Variants in WLS observed in about 807,000 individuals in gnomAD.
WLS encodes Wnt ligand secretion mediator.
WLS carries 23 observed loss-of-function variants against 62.8 expected under a neutral mutation model. That is an observed-to-expected ratio of 0.37 (90% CI 0.26 to 0.52). WLS has a LOEUF of 0.52. Among genes scored for constraint, WLS ranks in the 20% least tolerant of loss-of-function variants. WLS has a pLI of 0.92. For synonymous variants in WLS, 246 were observed against 244.1 expected (o/e 1.01, Z -0.07); for missense variants, 615 against 697.3 (o/e 0.88, Z 1.33).
intron 2 of WLS, among the ~76,000 whole-genome samples, chr1:68,193,145 T>C (rs1317872879): frequency 6.6e-6 from 1 of 150,620 alleles, no homozygotes; most frequent in East Asian, 1.9e-4. Context: ...GAAAAAGAAA[T>C]AATGTTTCAA....
intron 4 of WLS, 127 bp downstream of exon 4, chr1:68,154,969 TATG>T (rs1646875960): frequency 2.0e-6 from 2 of 1,024,364 alleles, no homozygotes; most frequent in African/African-American, 3.2e-5. Flanking sequence ...TAGTTCACTT[TATG>T]ATCTCAGCCA....
intron 1 of WLS, among the ~76,000 whole-genome samples, chr1:68,221,695 T>A (rs1482173473): frequency 6.6e-6 from 1 of 152,178 alleles, no homozygotes; most frequent in African/African-American, 2.4e-5. Context: ...TTTTTAGTGA[T>A]CACCTGAAGG....
chr1:68,178,693 G>A (rs1321677397), intron 2 of WLS, among the ~76,000 whole-genome samples: 44 of 136,522 alleles, frequency 3.2e-4, no homozygotes, highest in African/African-American at 1.2e-3. Flanking sequence ...GCAACAGATC[G>A]AGACTACATT....
chr1:68,117,200 T>G (rs999374857), intron 11 of WLS, among the ~76,000 whole-genome samples: 6 of 152,240 alleles, frequency 3.9e-5, no homozygotes, highest in African/African-American at 1.4e-4. Flanking sequence ...AAACTTTATC[T>G]GTACAATTGC....
Position 68,153,633 on chromosome 1 carries a change from G to T in WLS, c.687C>A (p.Gly229=), listed in dbSNP as rs554939588. ...IRLVGIHQNG[G]FTKVWFAMKT... ...TCATGGCAAACCACACCTTGGTGAA[G>T]CCTCCATTTTGGTGGATCCCCTAGG... Residue 229 remains glycine, a synonymous_variant, in exon 5 of 12, where the codon GGC becomes GGA. Transcript: ENST00000262348. The T allele has an allele frequency of 3.7e-6, 6 of 1,614,188 alleles. No individual in the cohort carries two copies. The Admixed American group carries it at 1.0e-4, about 27-fold the overall frequency.
intron 2 of WLS, among the ~76,000 whole-genome samples, chr1:68,193,442 A>C (rs2772295): frequency 2.0e-4 from 20 of 101,664 alleles, no homozygotes; most frequent in Non-Finnish European, 2.1e-4. Flanking sequence ...AAAAAAAAAA[A>C]CGAAAAAAAA....
At chr1:68,104,645 T>G (rs1246234633) in intron 11 of WLS, among the ~76,000 whole-genome samples, 1 of 152,180 alleles carries the variant, frequency 6.6e-6, no homozygotes, top group African/African-American at 2.4e-5. Context: ...TGCGATGGCT[T>G]GCACCTATAA....
At chr1:68,128,557 A>G (rs979749268) in intron 11 of WLS, among the ~76,000 whole-genome samples, 1 of 152,232 alleles carries the variant, frequency 6.6e-6, no homozygotes, top group African/African-American at 2.4e-5. Context: ...GATGCTAGAG[A>G]GTAATTCTAC....
At chr1:68,218,038 A>C (rs925292108) in intron 1 of WLS, among the ~76,000 whole-genome samples, 2 of 152,226 alleles carry the variant, frequency 1.3e-5, no homozygotes, top group Non-Finnish European at 2.9e-5. Context: ...ATCAGAGAAG[A>C]GTATTGAAGG....
chr1:68,102,911 C>T (rs900920120), intron 11 of WLS, among the ~76,000 whole-genome samples: 23 of 152,116 alleles, frequency 1.5e-4, no homozygotes, highest in African/African-American at 5.3e-4. Flanking sequence ...CCCTTGCCTT[C>T]GATTGTTTTG....
At position 68,179,026 on chromosome 1, in the gene WLS, C is replaced by T. The variant is rs543827951; in HGVS notation, c.379+14929G>A. Among the ~76,000 whole-genome samples, 36 of 152,290 alleles carry T rather than the reference C, an allele frequency of 2.4e-4. No homozygotes were observed. In the South Asian group the frequency reaches 7.0e-3, roughly 30 times the overall value. On this transcript the variant is annotated intron_variant, in intron 2 of 11. Transcript: ENST00000262348. ...ATTTTTTAATGTCAGACTAAAAATA[C>T]ACTTCCAGTACACCAACCCTGTCTG... is the stretch of plus-strand genomic sequence containing the variant.
chr1:68,154,188 T>C (rs1646865746), intron 4 of WLS, among the ~76,000 whole-genome samples: 1 of 152,086 alleles, frequency 6.6e-6, no homozygotes, highest in Non-Finnish European at 1.5e-5. Context: ...AAAGCAGAGA[T>C]ATCCTCTATC....
chr1:68,124,046 A>G (rs1646395121), downstream of WLS, among the ~76,000 whole-genome samples: 4 of 151,942 alleles, frequency 2.6e-5, no homozygotes, highest in Admixed American at 2.6e-4. Context: ...TCTGTCCGAA[A>G]CCCCACCCAT....
At chr1:68,130,947 G>C (rs1457235072) in intron 11 of WLS, among the ~76,000 whole-genome samples, 1 of 146,962 alleles carries the variant, frequency 6.8e-6, no homozygotes, top group African/African-American at 2.5e-5. Context: ...AGGCTGGAGT[G>C]GAGTGGAGCG....
chr1:68,178,219 C>T (rs1647342465), intron 2 of WLS, among the ~76,000 whole-genome samples: 1 of 152,178 alleles, frequency 6.6e-6, no homozygotes, highest in South Asian at 2.1e-4. Context: ...TTAATCATTT[C>T]CCCTTCTATG....
At chr1:68,219,762 T>G (rs1449602928) in intron 1 of WLS, among the ~76,000 whole-genome samples, 1 of 152,224 alleles carries the variant, frequency 6.6e-6, no homozygotes, top group Non-Finnish European at 1.5e-5. Flanking sequence ...GTTTAAAATT[T>G]CTTATAAACT....
chr1:68,192,230 A>G (rs1648350725), intron 2 of WLS, among the ~76,000 whole-genome samples: 1 of 152,232 alleles, frequency 6.6e-6, no homozygotes, highest in Admixed American at 6.5e-5. Flanking sequence ...CAGGTAAGCT[A>G]TCAGTCAGGT....
intron 11 of WLS, 144 bp downstream of exon 11, chr1:68,137,636 T>G: frequency 1.2e-6 from 1 of 843,392 alleles, no homozygotes; most frequent in Non-Finnish European, 1.7e-6. Context: ...GTCCCCTGGG[T>G]GCTCATTCAC....
At chr1:68,174,842 A>G (rs1052237640) in intron 2 of WLS, among the ~76,000 whole-genome samples, 5 of 152,078 alleles carry the variant, frequency 3.3e-5, no homozygotes, top group Non-Finnish European at 7.4e-5. Context: ...TGTTCCTATC[A>G]TGTAGGAAGC....
Sources: allele counts gnomAD v4.1 joint callset (sites outside exome capture counted in the v4.1 genomes callset), GRCh38; gene constraint gnomAD v4.1.1; transcripts MANE v1.5; gene names NCBI Gene and HGNC (gene_info 2026-07-23, HGNC 2026-07-21).